The following SH3D21 variants were observed in gnomAD, a reference collection of about 807,000 sequenced individuals.
SH3D21 encodes the protein manchette microtubule inner protein 1.
SH3D21 carries 83 observed loss-of-function variants against 82.1 expected under a neutral mutation model. The observed-to-expected ratio is 1.01, with a 90% CI of 0.85 to 1.21. The LOEUF (loss-of-function observed/expected upper bound fraction) is 1.21. Among genes scored for constraint, SH3D21 ranks in the 50% most tolerant of loss-of-function variants. SH3D21 has a pLI of 0.00. For synonymous variants in SH3D21, 383 were observed against 387.8 expected (o/e 0.99, Z 0.15); for missense variants, 980 against 962.1 (o/e 1.02, Z -0.25).
chr1:36,321,743 G>A (rs1646467641), downstream of SH3D21: 5 of 1,004,828 alleles, frequency 5.0e-6, no homozygotes, highest in South Asian at 1.7e-4. This position sits in a 1 kb window ranked among gnomAD's most constrained non-coding sequence, Gnocchi z 6.1. Context: ...CCAGGGCACT[G>A]TGGGGACAGG....
rs2124670014 is a variant in SH3D21, at chr1:36,307,401, GA to G, written c.346-114del. On this transcript the variant is annotated intron_variant, in intron 4 of 15. Transcript: ENST00000453908. This position sits in a 1 kb window ranked among gnomAD's most constrained non-coding sequence, Gnocchi z 5.4. ...GGAATGGCGACGGTGCAGATACGGG[GA>G]AGCGCGGGAGGGAAGGAGGGAGGAA... 1 of 1,507,690 alleles carries G rather than the reference GA, an allele frequency of 6.6e-7. No homozygotes were observed. Among genetic ancestry groups the G allele is most frequent in the South Asian group, 1.2e-5 (1 of 80,514 alleles). 93.4% of individuals were successfully genotyped at this position (1,507,690 alleles called of 1,614,324 possible). A position where few individuals can be genotyped will look rare whatever the true frequency, so the allele number is the denominator to read the frequency against.
chr1:36,319,211 C>T (rs1216024987), intron 11 of SH3D21, 47 bp downstream of exon 11: 55 of 1,548,742 alleles, frequency 3.6e-5, no homozygotes, highest in Non-Finnish European at 4.5e-5. Context: ...TAGGAGGCAA[C>T]GCCCCTCCCT....
downstream of SH3D21, chr1:36,322,498 C>A: frequency 6.2e-7 from 1 of 1,602,696 alleles, no homozygotes; most frequent in Non-Finnish European, 8.5e-7. Context: ...GCGGACAGCT[C>A]GGGGCCCGGC....
downstream of SH3D21, chr1:36,322,707 C>G: frequency 1.3e-6 from 2 of 1,547,100 alleles, no homozygotes; most frequent in Non-Finnish European, 1.7e-6. Context: ...GAAGTAGAGG[C>G]CGAAGCTCTC....
downstream of SH3D21, chr1:36,328,391 G>T: frequency 5.8e-6 from 2 of 345,358 alleles, 1 homozygote; most frequent in South Asian, 4.4e-5. Context: ...GACTCACCGG[G>T]GGCCTCCTGA....
chr1:36,316,789 A>C (rs1017837643), intron 10 of SH3D21, among the ~76,000 whole-genome samples: 3 of 131,874 alleles, frequency 2.3e-5, no homozygotes, highest in Non-Finnish European at 4.8e-5. Context: ...TTGGAGACTG[A>C]GTTTTGCTCT....
rs758678547 is a variant in SH3D21, at chr1:36,320,535, C to T, written c.1872C>T (p.Ser624=). 2 of 1,614,112 alleles carry T rather than the reference C, an allele frequency of 1.2e-6. No homozygotes were observed. Among genetic ancestry groups the T allele is most frequent in the East Asian group, 4.5e-5 (2 of 44,888 alleles). ...EEVLPKEGVA[S]KEEVTLKEEL... is the part of the protein sequence containing the mutation. ...TGCTCCCCAAAGAGGGAGTGGCTTCCAAAGAGGAGGTGACCCTGAAAGAGG... is the reference window on the plus strand; with the variant it reads ...TGCTCCCCAAAGAGGGAGTGGCTTCTAAAGAGGAGGTGACCCTGAAAGAGG... Residue 624 remains serine (S), a synonymous_variant, in exon 14 of 16, where the codon TCC becomes TCT. Coordinates refer to ENST00000453908, the MANE Select transcript of SH3D21 (RefSeq NM_001162530.2).
In SH3D21 at chr1:36,321,073, G is replaced by T. The variant is rs369766992; in HGVS notation, c.2217G>T (p.Gly739=). 4 of 1,612,238 alleles carry T rather than the reference G, an allele frequency of 2.5e-6. No homozygotes were observed. Among genetic ancestry groups the T allele is most frequent in the East Asian group, 2.2e-5 (1 of 44,842 alleles). The part of the protein sequence containing the change: ...RRRLEVQVMQ[G]TQKSQTPRVI... ...CCGACCAGGTCCAGGTGATGCAGGG[G>T]ACCCAGAAGTCCCAGACCCCGCGCG... Residue 739 remains glycine, a synonymous_variant, in exon 16 of 16, where the codon GGG becomes GGT. Coordinates refer to ENST00000453908, the MANE Select transcript of SH3D21 (RefSeq NM_001162530.2). This position sits in a 1 kb window ranked among gnomAD's most constrained non-coding sequence, Gnocchi z 6.1.
chr1:36,309,774 T>C (rs2124675470), intron 10 of SH3D21, among the ~76,000 whole-genome samples, 184 bp downstream of exon 10: 1 of 150,378 alleles, frequency 6.6e-6, no homozygotes, highest in South Asian at 2.1e-4. Context: ...GTGTGTGTGT[T>C]AATATGTCAG....
rs955371189 is a variant in SH3D21, at chr1:36,307,141, G to C, written c.227-26G>C. Reference sequence around the variant, plus strand: ...CCTCTGACTGGGGCGTCCGACTGGAGCTCAGCCGCGCTTGTCCGGTGCTAG... The same window carrying C: ...CCTCTGACTGGGGCGTCCGACTGGACCTCAGCCGCGCTTGTCCGGTGCTAG... On this transcript the variant is annotated intron_variant, in intron 3 of 15. Coordinates refer to ENST00000453908, the MANE Select transcript of SH3D21 (RefSeq NM_001162530.2). This position sits in a 1 kb window ranked among gnomAD's most constrained non-coding sequence, Gnocchi z 5.4. 6.4e-6 allele frequency: 10 copies of C among 1,550,962 alleles called. No homozygotes were observed. The highest frequency in any genetic ancestry group is 2.4e-5 in the East Asian group (1 of 40,908).
Position 36,306,746 on chromosome 1 carries a change from C to T in SH3D21, c.153C>T (p.Arg51=). ...GCCGCTATGGCCTCTTCCCCGAGCG[C>T]CTGGTGCAGGTGAGGCCGAGCCAGG... The part of the protein sequence containing the change: ...FGGRYGLFPE[R]LVQEIPETLR... The change falls in exon 2 of 16, where the codon CGC becomes CGT. Residue 51 remains arginine (R), a synonymous_variant. Coordinates refer to ENST00000453908, the MANE Select transcript of SH3D21 (RefSeq NM_001162530.2). The surrounding 1 kb of genome is among the most constrained non-coding windows in gnomAD (Gnocchi z 4.5). 1 of 1,290,002 alleles carries T rather than the reference C, an allele frequency of 7.8e-7. No homozygotes were observed. The highest frequency in any genetic ancestry group is 1.0e-6 in the Non-Finnish European group (1 of 986,908). 79.9% of individuals were successfully genotyped at this position (1,290,002 alleles called of 1,614,324 possible).
At chr1:36,313,967 A>AT (rs1207014644) in intron 10 of SH3D21, among the ~76,000 whole-genome samples, 1 of 36,878 alleles carries the variant, frequency 2.7e-5, no homozygotes, top group African/African-American at 7.1e-5. Context: ...TGCTGAACAT[A>AT]TTTTCTTTTT....
rs2124666833 is a variant in SH3D21 at position 36,306,662 on chromosome 1, C to A, written c.69C>A (p.Asp23Glu). 1.5e-6 allele frequency: 2 copies of A among 1,299,948 alleles called. No homozygotes were observed. The highest frequency in any genetic ancestry group is 2.0e-6 in the Non-Finnish European group (2 of 988,394). The allele number at this position is 1,299,948 out of a possible 1,614,324, so 80.5% of individuals were successfully genotyped here. A position where few individuals can be genotyped will look rare whatever the true frequency, so the allele number is the denominator to read the frequency against. Reference sequence around the variant, plus strand: ...ACGAGCTGAGTCTGGCGCCCGGGGACGTGGTCCGGCAGGTGCGCTGGGTGC... The same window carrying A: ...ACGAGCTGAGTCTGGCGCCCGGGGAAGTGGTCCGGCAGGTGCGCTGGGTGC... ...KEDELSLAPG[D>E]VVRQVRWVPA... Residue 23 changes from aspartate to glutamate, a missense_variant, in exon 2 of 16, where the codon GAC (aspartate) becomes GAA (glutamate). Physicochemically the swap from Asp to Glu is conservative, Grantham distance 45. Coordinates refer to ENST00000453908, the MANE Select transcript of SH3D21 (RefSeq NM_001162530.2). The surrounding 1 kb of genome is among the most constrained non-coding windows in gnomAD (Gnocchi z 4.5).
Position 36,319,916 on chromosome 1 carries a change from A to G in SH3D21, c.1253A>G (p.Lys418Arg). 1 of 1,614,032 alleles carries G rather than the reference A, an allele frequency of 6.2e-7. No homozygotes were observed. The highest frequency in any genetic ancestry group is 1.1e-5 in the South Asian group (1 of 91,070). ...CCTGACAAAGTCCCCACCCCAGAGA[A>G]GATGGTGACTCCGGAGGACAAGGCT... is the stretch of plus-strand genomic sequence containing the variant. ...PAPDKVPTPE[K>R]MVTPEDKASI... is the part of the protein sequence containing the mutation. The change falls in exon 14 of 16, where the codon AAG (lysine) becomes AGG (arginine). Residue 418 changes from lysine (K) to arginine (R), a missense_variant. Coordinates refer to ENST00000453908, the MANE Select transcript of SH3D21 (RefSeq NM_001162530.2).
chr1:36,323,348 A>C (rs1646500948), downstream of SH3D21: 1 of 332,836 alleles, frequency 3.0e-6, no homozygotes, highest in Middle Eastern at 8.5e-4. Flanking sequence ...GGGATGGAGG[A>C]TAGGGACGCT....
chr1:36,319,978 C>T lies in SH3D21; in HGVS notation c.1315C>T (p.Leu439=). Residue 439 remains leucine (L), a synonymous_variant, in exon 14 of 16, where the codon CTG becomes TTG. Transcript: ENST00000453908. ...PENSIIPEET[L]TVDKPSTPER... ...GAACTCCATCATCCCAGAGGAGACC[C>T]TGACTGTGGACAAACCCTCCACTCC... 1 of 1,614,166 alleles carries T rather than the reference C, an allele frequency of 6.2e-7. No homozygotes were observed. The highest frequency in any genetic ancestry group is 8.5e-7 in the Non-Finnish European group (1 of 1,180,034).
chr1:36,315,568 C>T (rs930588894), intron 10 of SH3D21, among the ~76,000 whole-genome samples: 3 of 152,130 alleles, frequency 2.0e-5, no homozygotes, highest in East Asian at 1.9e-4. Flanking sequence ...AGGCTGGTCT[C>T]GAACTCCTGA....
chr1:36,312,600 A>G (rs1646262402), intron 10 of SH3D21, among the ~76,000 whole-genome samples: 1 of 152,102 alleles, frequency 6.6e-6, no homozygotes. Context: ...TTTTAATTTC[A>G]TTTTGTTAAT....
Position 36,320,745 on chromosome 1 carries a change from G to A in SH3D21, c.2082G>A (p.Arg694=). Reference sequence around the variant, plus strand: ...AAGGAGTTGATGTAACGTCGCTGAGGGGCGAGGTGGAGTCTCTAAGGAGGG... The same window carrying A: ...AAGGAGTTGATGTAACGTCGCTGAGAGGCGAGGTGGAGTCTCTAAGGAGGG... ...KNEGVDVTSL[R]GEVESLRRAL... The change falls in exon 14 of 16, where the codon AGG becomes AGA. Residue 694 remains arginine (R), a synonymous_variant. Coordinates refer to ENST00000453908, the MANE Select transcript of SH3D21 (RefSeq NM_001162530.2). The A allele has an allele frequency of 6.2e-7, 1 of 1,604,910 alleles. No homozygotes were observed. Among genetic ancestry groups the A allele is most frequent in the Non-Finnish European group, 8.5e-7 (1 of 1,175,456 alleles).
Sources: gnomAD v4.1 joint callset for allele counts (sites outside exome capture counted in the v4.1 genomes callset) on GRCh38, gnomAD v4.1.1 for gene constraint, Gnocchi (gnomAD v3.1) non-coding constraint, MANE v1.5 for transcripts, NCBI Gene and HGNC (gene_info 2026-07-23, HGNC 2026-07-21) for gene names.